The following FMN2 variants were observed in gnomAD, a reference collection of about 807,000 sequenced individuals.
FMN2 encodes formin-2.
FMN2 carries 51 observed loss-of-function variants against 142.3 expected under a neutral mutation model. The ratio of observed to expected loss-of-function variants is 0.36; its 90% CI spans 0.29 to 0.45. FMN2 has a LOEUF of 0.45. Ranked by LOEUF, FMN2 falls within the 20% of genes least tolerant of loss-of-function variation. FMN2 has a pLI of 1.00. For synonymous variants in FMN2, 882 were observed against 869.8 expected (o/e 1.01, Z -0.25); for missense variants, 1,936 against 2,122.8 (o/e 0.91, Z 1.73).
intron 6 of FMN2, among the ~76,000 whole-genome samples, chr1:240,253,011 G>A (rs1668335961): frequency 7.7e-6 from 1 of 130,060 alleles, no homozygotes; most frequent in African/African-American, 2.9e-5. Flanking sequence ...GGAGTGCAGT[G>A]GTGCAATCTT....
intron 6 of FMN2, among the ~76,000 whole-genome samples, chr1:240,219,876 C>G (rs1236973784): frequency 5.9e-5 from 9 of 152,106 alleles, no homozygotes; most frequent in Admixed American, 5.9e-4. Flanking sequence ...CCATGCTGGT[C>G]TTGTACTCCT....
At chr1:240,431,425 C>CACATATATATATATATAT (rs1226838834) in intron 15 of FMN2, among the ~76,000 whole-genome samples, 1 of 122,708 alleles carries the variant, frequency 8.1e-6, no homozygotes, top group African/African-American at 3.7e-5. Context: ...TATATATATA[C>CACATATATATATATATAT]ATATATATAC....
At chr1:240,139,213 G>A (rs1368515802) in intron 2 of FMN2, among the ~76,000 whole-genome samples, 3 of 152,216 alleles carry the variant, frequency 2.0e-5, no homozygotes, top group Non-Finnish European at 2.9e-5. Context: ...CAGAGACAAG[G>A]AGAATGTCCA....
intron 16 of FMN2, among the ~76,000 whole-genome samples, chr1:240,461,341 G>A (rs1397298035): frequency 6.6e-6 from 1 of 152,076 alleles, no homozygotes; most frequent in East Asian, 1.9e-4. Flanking sequence ...GGGTTACTGC[G>A]AAATTTAAAG....
At chr1:240,441,752 G>A (rs12091371) in intron 16 of FMN2, among the ~76,000 whole-genome samples, 26,723 of 151,526 alleles carry the variant, frequency 0.18, 4,018 homozygotes, top group African/African-American at 0.4. Context: ...CTCACTTTCA[G>A]CAAGCCACAC....
chr1:240,159,457 C>T (rs1391159742), intron 2 of FMN2, among the ~76,000 whole-genome samples: 1 of 152,108 alleles, frequency 6.6e-6, no homozygotes, highest in Non-Finnish European at 1.5e-5. Context: ...CCTGAGCCGT[C>T]ACATCTCTCT....
chr1:240,199,797 A>G (rs1666060669), intron 4 of FMN2, among the ~76,000 whole-genome samples: 2 of 152,350 alleles, frequency 1.3e-5, no homozygotes, highest in East Asian at 3.9e-4. Context: ...TTGACGAACT[A>G]AAAATAGATT....
chr1:240,235,399 A>G (rs1572100160), intron 6 of FMN2, among the ~76,000 whole-genome samples: 1 of 148,652 alleles, frequency 6.7e-6, no homozygotes, highest in East Asian at 2.0e-4. Flanking sequence ...ATTTTTAAAT[A>G]ATTTAATTAA....
chr1:240,164,652 C>T (rs1307251738), intron 2 of FMN2, among the ~76,000 whole-genome samples: 1 of 152,174 alleles, frequency 6.6e-6, no homozygotes, highest in Admixed American at 6.5e-5. Context: ...GATCATTACA[C>T]TATCTTCTAG....
intron 2 of FMN2, chr1:240,143,698 A>T: frequency 6.3e-7 from 1 of 1,596,604 alleles, no homozygotes; most frequent in South Asian, 1.1e-5. Flanking sequence ...ATTGAGACCC[A>T]GTCCAAGAGG....
intron 6 of FMN2, among the ~76,000 whole-genome samples, chr1:240,231,847 T>C (rs1056632297): frequency 5.9e-5 from 9 of 152,210 alleles, no homozygotes; most frequent in African/African-American, 1.9e-4. Context: ...TATCCGGTCT[T>C]ATCATCCTCT....
chr1:240,258,539 G>A (rs184385311), intron 7 of FMN2, among the ~76,000 whole-genome samples: 15 of 152,254 alleles, frequency 9.9e-5, no homozygotes, highest in Admixed American at 3.9e-4. Context: ...TAATGACCAC[G>A]CGACCTAGTG....
chr1:240,290,476 A>G (rs902623775), intron 7 of FMN2, among the ~76,000 whole-genome samples: 2 of 152,184 alleles, frequency 1.3e-5, no homozygotes, highest in African/African-American at 4.8e-5. Flanking sequence ...TTCTGAACCA[A>G]TGTGTTTACA....
chr1:240,188,055 C>G, intron 3 of FMN2, 152 bp from the exon 4 acceptor site: 1 of 676,120 alleles, frequency 1.5e-6, no homozygotes. Context: ...TAGTCATATC[C>G]TAATAACCCA....
chr1:240,360,165 T>G (rs550913934), intron 14 of FMN2, among the ~76,000 whole-genome samples: 1 of 152,332 alleles, frequency 6.6e-6, no homozygotes, highest in East Asian at 1.9e-4. Flanking sequence ...CAAATTTAGC[T>G]TTCTCTATTT....
intron 15 of FMN2, among the ~76,000 whole-genome samples, chr1:240,409,074 T>A (rs1473614572): frequency 2.0e-5 from 3 of 152,194 alleles, no homozygotes; most frequent in Non-Finnish European, 2.9e-5. Flanking sequence ...TCCGGTGCCC[T>A]ATTTAAGTGG....
At chr1:240,221,674 T>C (rs932312134) in intron 6 of FMN2, among the ~76,000 whole-genome samples, 3 of 152,238 alleles carry the variant, frequency 2.0e-5, no homozygotes. Flanking sequence ...TTTTCTCCCA[T>C]TCTGTCGGTT....
At chr1:240,116,029 G>T (rs926520112) in intron 1 of FMN2, among the ~76,000 whole-genome samples, 4 of 152,192 alleles carry the variant, frequency 2.6e-5, no homozygotes, top group Non-Finnish European at 4.4e-5. Context: ...GCGCTGGCGG[G>T]TCCATGCTAA....
intron 13 of FMN2, among the ~76,000 whole-genome samples, chr1:240,350,713 C>T (rs976134214): frequency 3.3e-5 from 5 of 152,158 alleles, no homozygotes; most frequent in Admixed American, 2.6e-4. Flanking sequence ...TATCCTATAT[C>T]ATTTGTACGT....
Sources: allele counts gnomAD v4.1 joint callset (sites outside exome capture counted in the v4.1 genomes callset), GRCh38; gene constraint gnomAD v4.1.1; transcripts MANE v1.5; gene names NCBI Gene and HGNC (gene_info 2026-07-23, HGNC 2026-07-21).